Variants in LRP1B observed in about 807,000 individuals in gnomAD.
The protein encoded by LRP1B is LDL receptor related protein 1B, also known as low-density lipoprotein receptor-related protein 1B.
Under a neutral mutation model 556.6 loss-of-function variants are expected in LRP1B, and 217 were observed. The ratio of observed to expected loss-of-function variants is 0.39; its 90% CI spans 0.35 to 0.44. The LOEUF (loss-of-function observed/expected upper bound fraction) is 0.44, where lower values mean the gene tolerates loss of function less well. Among genes scored for constraint, LRP1B ranks in the 20% least tolerant of loss-of-function variants. The pLI is 1.00. For missense variants in LRP1B, 5,053 were observed against 5,620.8 expected (o/e 0.90, Z 3.23); for synonymous variants, 2,047 against 1,865.8 (o/e 1.10, Z -2.50).
chr2:141,506,663 T>C (rs1381496885), intron 2 of LRP1B, among the ~76,000 whole-genome samples: 1 of 152,096 alleles, frequency 6.6e-6, no homozygotes, highest in African/African-American at 2.4e-5. Flanking sequence ...TTTCGGGCTC[T>C]TTGTATTAGT....
chr2:140,546,580 T>C (rs1680348231), intron 43 of LRP1B, among the ~76,000 whole-genome samples: 1 of 152,106 alleles, frequency 6.6e-6, no homozygotes, highest in South Asian at 2.1e-4. Flanking sequence ...GTTCTTGTGA[T>C]AACTCACTCA....
chr2:140,843,067 GTTTTTTTTTTTTTGTTTGTTTTTTTTT>G (rs869191377), intron 29 of LRP1B, among the ~76,000 whole-genome samples: 3 of 10,644 alleles, frequency 2.8e-4, no homozygotes, highest in Non-Finnish European at 7.1e-4. Context: ...TTTTTTTTTT[GTTTTTTTTTTTTTGTTTGTTTTTTTTT>G]TTTTTGTTTT....
chr2:141,930,448 T>A (rs763165628), intron 1 of LRP1B, among the ~76,000 whole-genome samples: 1 of 152,038 alleles, frequency 6.6e-6, no homozygotes, highest in Non-Finnish European at 1.5e-5. Flanking sequence ...GAGTTACTCC[T>A]TGGGGACTTC....
chr2:141,375,073 A>G lies in LRP1B; in HGVS notation c.343+105323T>C, dbSNP rs78735954. Among the ~76,000 whole-genome samples the G allele has an allele frequency of 3.8e-3, 575 of 152,204 alleles. 3 individuals carry two copies. Among genetic ancestry groups the G allele is most frequent in the African/African-American group, 0.013 (548 of 41,520 alleles). On this transcript the variant is annotated intron_variant, in intron 3 of 90. Coordinates refer to ENST00000389484, the MANE Select transcript of LRP1B (RefSeq NM_018557.3). ...GATGTATGTATGTTGTTGGTTAAGT[A>G]GGATCTGTTGGCTTTGATTTTGGGT... is the stretch of plus-strand genomic sequence containing the variant.
intron 32 of LRP1B, among the ~76,000 whole-genome samples, chr2:140,789,854 T>C (rs1010058808): frequency 4.0e-5 from 6 of 151,700 alleles, no homozygotes; most frequent in Non-Finnish European, 8.8e-5. Flanking sequence ...ATGGTCTCGA[T>C]CTCCTGACCT....
intron 35 of LRP1B, among the ~76,000 whole-genome samples, chr2:140,731,764 CAAAAAAAAAAAA>C (rs36060787): frequency 1.7e-5 from 1 of 59,388 alleles, no homozygotes; most frequent in Non-Finnish European, 3.3e-5. Flanking sequence ...GAGACTCCGT[CAAAAAAAAAAAA>C]AAAAAAAAAA....
chr2:141,779,664 T>G (rs2217964), intron 2 of LRP1B, among the ~76,000 whole-genome samples: 55,983 of 151,858 alleles, frequency 0.37, 10,687 homozygotes, highest in Middle Eastern at 0.51. Context: ...ATGCCAATAC[T>G]ACATACTTTT....
intron 6 of LRP1B, among the ~76,000 whole-genome samples, chr2:141,189,128 G>C (rs2105195489): frequency 6.6e-6 from 1 of 151,912 alleles, no homozygotes; most frequent in East Asian, 1.9e-4. Flanking sequence ...TCTTTCAATG[G>C]CATACTTAGG....
chr2:141,478,295 T>C (rs1454213311), intron 3 of LRP1B, among the ~76,000 whole-genome samples: 1 of 152,172 alleles, frequency 6.6e-6, no homozygotes, highest in East Asian at 1.9e-4. Context: ...TTCAAATGTG[T>C]GTAATCATCT....
chr2:141,291,549 T>C (rs2105409556), intron 3 of LRP1B, among the ~76,000 whole-genome samples: 1 of 152,226 alleles, frequency 6.6e-6, no homozygotes, highest in African/African-American at 2.4e-5. Flanking sequence ...TATTATGCCA[T>C]ATTTGCTCAT....
At chr2:141,588,816 T>G (rs1452919416) in intron 2 of LRP1B, among the ~76,000 whole-genome samples, 1 of 152,214 alleles carries the variant, frequency 6.6e-6, no homozygotes, top group East Asian at 1.9e-4. Flanking sequence ...GTTACTCTAG[T>G]AATTATGTGG....
chr2:141,875,846 G>T (rs1425611978), intron 1 of LRP1B, among the ~76,000 whole-genome samples: 13 of 151,792 alleles, frequency 8.6e-5, no homozygotes, highest in African/African-American at 2.4e-5. Flanking sequence ...TGTAGCGAGG[G>T]TAATATATGT....
At chr2:141,933,454 G>A (rs966067257) in intron 1 of LRP1B, among the ~76,000 whole-genome samples, 2 of 152,012 alleles carry the variant, frequency 1.3e-5, no homozygotes, top group Admixed American at 1.3e-4. Flanking sequence ...GGCTTTCTGG[G>A]AATGGGGTCA....
chr2:140,550,547 T>A (rs1225915438), intron 43 of LRP1B, among the ~76,000 whole-genome samples: 3 of 152,106 alleles, frequency 2.0e-5, no homozygotes, highest in Non-Finnish European at 4.4e-5. Context: ...AAAAATTTTA[T>A]CAATGTAAGT....
chr2:141,342,263 TAAATAAAAATA>T (rs1183818687), intron 3 of LRP1B, among the ~76,000 whole-genome samples: 1 of 109,992 alleles, frequency 9.1e-6, no homozygotes, highest in African/African-American at 3.8e-5. Flanking sequence ...AAAAATAAAA[TAAATAAAAATA>T]AAATAAATAA....
chr2:141,173,428 A>G (rs1680593452), intron 7 of LRP1B, among the ~76,000 whole-genome samples: 1 of 152,092 alleles, frequency 6.6e-6, no homozygotes, highest in South Asian at 2.1e-4. Context: ...AAAAGCATAC[A>G]TGACTCAGGA....
chr2:140,590,218 T>C (rs902418054), intron 43 of LRP1B, among the ~76,000 whole-genome samples: 4 of 141,634 alleles, frequency 2.8e-5, no homozygotes, highest in Admixed American at 7.3e-5. Flanking sequence ...CTATTAACAA[T>C]TTTGGGAATT....
chr2:141,474,131 CCTTT>C, intron 3 of LRP1B, among the ~76,000 whole-genome samples: 1 of 149,552 alleles, frequency 6.7e-6, no homozygotes, highest in East Asian at 2.0e-4. Context: ...TTCCTTTCCT[CCTTT>C]CTTCTTTTCC....
chr2:140,808,794 A>C (rs1690817785), intron 32 of LRP1B, among the ~76,000 whole-genome samples: 1 of 152,198 alleles, frequency 6.6e-6, no homozygotes. Flanking sequence ...CCTTGTTAGG[A>C]GTTTAACTCA....
Sources: gnomAD v4.1 joint callset for allele counts (sites outside exome capture counted in the v4.1 genomes callset) on GRCh38, gnomAD v4.1.1 for gene constraint, MANE v1.5 for transcripts, NCBI Gene and HGNC (gene_info 2026-07-23, HGNC 2026-07-21) for gene names.